Variants in GABBR2 observed in about 807,000 individuals in gnomAD.
GABBR2 encodes G-protein coupled receptor 51.
GABBR2 carries 23 observed loss-of-function variants against 105.6 expected under a neutral mutation model. The ratio of observed to expected loss-of-function variants is 0.22; its 90% CI spans 0.16 to 0.31. GABBR2 has a LOEUF of 0.31. Among genes scored for constraint, GABBR2 ranks in the 10% least tolerant of loss-of-function variants. The pLI is 1.00. For synonymous variants in GABBR2, 478 were observed against 499.7 expected, an observed-to-expected ratio of 0.96 and a Z score of 0.58; for missense variants, 734 against 1,245.5, an observed-to-expected ratio of 0.59 and a Z score of 6.18.
chr9:98,596,310 C>T (rs990985425), intron 1 of GABBR2, among the ~76,000 whole-genome samples: 1 of 152,210 alleles, frequency 6.6e-6, no homozygotes, highest in South Asian at 2.1e-4. Context: ...GAGATGTTAG[C>T]TGTTCCATGT....
chr9:98,319,645 C>A (rs531971153), intron 13 of GABBR2, among the ~76,000 whole-genome samples: 42 of 152,144 alleles, frequency 2.8e-4, no homozygotes, highest in Non-Finnish European at 5.7e-4. Flanking sequence ...CATGAATGTC[C>A]TCTAGTCACT....
intron 1 of GABBR2, among the ~76,000 whole-genome samples, chr9:98,609,741 C>A (rs1829478737): frequency 6.6e-6 from 1 of 152,204 alleles, no homozygotes; most frequent in Admixed American, 6.5e-5. Flanking sequence ...GGGCTCCAGG[C>A]TCCTTGGGTG....
rs1830154467 is a variant in GABBR2 at position 98,654,605 on chromosome 9, G to T, written c.321+53812C>A. Among the ~76,000 whole-genome samples the T allele has an allele frequency of 2.0e-5, 3 of 152,180 alleles. No individual in the cohort carries two copies. In the South Asian group the frequency reaches 6.2e-4, roughly 32 times the overall value. Reference sequence around the variant, plus strand: ...ATGCAACGACAAGAAGATCTGAAGGGGCGAGGCAGACATCCTTGAAGAAGT... The same window carrying T: ...ATGCAACGACAAGAAGATCTGAAGGTGCGAGGCAGACATCCTTGAAGAAGT... On this transcript the variant is annotated intron_variant, in intron 1 of 18. Coordinates refer to ENST00000259455, the MANE Select transcript of GABBR2 (RefSeq NM_005458.8).
intron 13 of GABBR2, among the ~76,000 whole-genome samples, chr9:98,315,832 C>T (rs1461438043): frequency 6.6e-6 from 1 of 152,380 alleles, no homozygotes; most frequent in East Asian, 1.9e-4. Context: ...AAGCTGTCAG[C>T]AGCATCTTGT....
chr9:98,465,755 T>C (rs995323520), intron 6 of GABBR2, among the ~76,000 whole-genome samples: 10 of 152,316 alleles, frequency 6.6e-5, no homozygotes, highest in African/African-American at 2.4e-4. Context: ...CAAGGTTTTG[T>C]GGTAAAGGCA....
chr9:98,377,629 A>AT (rs1411407061), intron 11 of GABBR2, among the ~76,000 whole-genome samples: 1 of 152,194 alleles, frequency 6.6e-6, no homozygotes, highest in Admixed American at 6.5e-5. Flanking sequence ...GAATGAATGA[A>AT]TTGTGGGAAC....
In GABBR2 at chr9:98,387,561, G is replaced by A. The variant is rs563220317; in HGVS notation, c.1529+1293C>T. Reference sequence around the variant, plus strand: ...TTGTAAGTAAAATAAAATAACAGGAGAAGAAAACTCTTTTCTGTTTTTCAG... The same window carrying A: ...TTGTAAGTAAAATAAAATAACAGGAAAAGAAAACTCTTTTCTGTTTTTCAG... On this transcript the variant is annotated intron_variant, in intron 10 of 18. Transcript: ENST00000259455. 2.0e-5 allele frequency among the ~76,000 whole-genome samples: 3 copies of A among 152,244 alleles called. No individual in the cohort carries two copies. The South Asian group carries it at 6.2e-4, about 32-fold the overall frequency.
chr9:98,575,093 C>A (rs1025360963), intron 2 of GABBR2, among the ~76,000 whole-genome samples: 1 of 152,120 alleles, frequency 6.6e-6, no homozygotes, highest in Non-Finnish European at 1.5e-5. Context: ...CACCACCCCC[C>A]CCCAAATCTG....
intron 3 of GABBR2, among the ~76,000 whole-genome samples, chr9:98,530,808 C>A (rs901890673): frequency 6.6e-6 from 1 of 152,154 alleles, no homozygotes; most frequent in Non-Finnish European, 1.5e-5. Context: ...GAGACCACAC[C>A]ATGCTGAATA....
intron 1 of GABBR2, among the ~76,000 whole-genome samples, chr9:98,605,446 C>T (rs143163486): frequency 1.3e-5 from 2 of 152,370 alleles, no homozygotes; most frequent in African/African-American, 2.4e-5. Context: ...GGACTCTCAC[C>T]TGCCTTACAG....
intron 2 of GABBR2, among the ~76,000 whole-genome samples, chr9:98,565,810 C>T (rs1287030315): frequency 6.6e-6 from 1 of 152,240 alleles, no homozygotes; most frequent in Non-Finnish European, 1.5e-5. Flanking sequence ...CCCAGCCTAT[C>T]TGCCCAAGCC....
intron 8 of GABBR2, among the ~76,000 whole-genome samples, chr9:98,405,715 T>C (rs1832477860): frequency 6.6e-6 from 1 of 152,154 alleles, no homozygotes; most frequent in African/African-American, 2.4e-5. Flanking sequence ...TTTCTTACAA[T>C]GCCTAATAAA....
chr9:98,683,037 C>T, intron 1 of GABBR2, among the ~76,000 whole-genome samples: 1 of 152,278 alleles, frequency 6.6e-6, no homozygotes, highest in Non-Finnish European at 1.5e-5. Context: ...GGCTTCATCC[C>T]CTCTATGCCA....
At chr9:98,370,364 C>T (rs1211071364) in intron 12 of GABBR2, among the ~76,000 whole-genome samples, 3 of 152,110 alleles carry the variant, frequency 2.0e-5, no homozygotes, top group South Asian at 2.1e-4. Context: ...CTCAGAAAAG[C>T]GCCCCAGGAG....
chr9:98,408,813 G>A (rs929504879), intron 7 of GABBR2, among the ~76,000 whole-genome samples: 4 of 152,022 alleles, frequency 2.6e-5, no homozygotes, highest in Non-Finnish European at 2.9e-5. Flanking sequence ...TTTGAGACAG[G>A]GTCTCGCTCT....
chr9:98,383,592 C>T (rs1832018207), intron 11 of GABBR2, among the ~76,000 whole-genome samples: 1 of 152,156 alleles, frequency 6.6e-6, no homozygotes, highest in Non-Finnish European at 1.5e-5. Context: ...CTCACTACCC[C>T]CTCAGTTACT....
At chr9:98,413,422 C>G (rs1832624474) in intron 7 of GABBR2, among the ~76,000 whole-genome samples, 1 of 152,038 alleles carries the variant, frequency 6.6e-6, no homozygotes. Context: ...TATATCCACC[C>G]ACATGTTCTG....
chr9:98,578,238 G>T (rs1828948630), intron 1 of GABBR2, among the ~76,000 whole-genome samples, 166 bp from the exon 2 acceptor site: 1 of 152,160 alleles, frequency 6.6e-6, no homozygotes, highest in Non-Finnish European at 1.5e-5. Context: ...TAAGCTCCAG[G>T]AGTGTGGTCT....
intron 1 of GABBR2, among the ~76,000 whole-genome samples, chr9:98,668,531 A>T (rs766308145): frequency 6.6e-6 from 1 of 152,190 alleles, no homozygotes; most frequent in Non-Finnish European, 1.5e-5. Context: ...CATAAAATTG[A>T]CCATTTTAGC....
Sources: gnomAD v4.1 joint callset for allele counts (sites outside exome capture counted in the v4.1 genomes callset) on GRCh38, gnomAD v4.1.1 for gene constraint, MANE v1.5 for transcripts, NCBI Gene and HGNC (gene_info 2026-07-23, HGNC 2026-07-21) for gene names.